The following USP10 variants were observed in gnomAD, a reference collection of about 807,000 sequenced individuals.
The protein encoded by USP10 is ubiquitin specific peptidase 10.
In USP10, 22 loss-of-function variants were observed where a neutral mutation model predicts 84.5. The ratio of observed to expected loss-of-function variants is 0.26; its 90% CI spans 0.19 to 0.37. The LOEUF is 0.37. Among genes scored for constraint, USP10 ranks in the 10% least tolerant of loss-of-function variants. The probability of loss-of-function intolerance (pLI) is 1.00; values close to 1 mark genes in which losing one functional copy is unlikely to be tolerated. For synonymous variants in USP10, 454 were observed against 387.6 expected, an observed-to-expected ratio of 1.17 and a Z score of -2.01; for missense variants, 1,019 against 998.9, an observed-to-expected ratio of 1.02 and a Z score of -0.27.
chr16:84,709,672 A>G (rs1440684531), intron 1 of USP10, among the ~76,000 whole-genome samples: 1 of 152,028 alleles, frequency 6.6e-6, no homozygotes, highest in Non-Finnish European at 1.5e-5. Context: ...AGTTAGGTAT[A>G]AGGTGTTTCA....
intron 1 of USP10, among the ~76,000 whole-genome samples, chr16:84,720,336 C>G (rs1397782197): frequency 6.6e-6 from 1 of 152,186 alleles, no homozygotes; most frequent in Admixed American, 6.5e-5. Flanking sequence ...GAACAGATGG[C>G]ACTTACAAGT....
chr16:84,741,803 C>T (rs972981672), intron 3 of USP10, among the ~76,000 whole-genome samples: 1 of 152,174 alleles, frequency 6.6e-6, no homozygotes, highest in Non-Finnish European at 1.5e-5. Context: ...AGTGCCTGTT[C>T]GACTGTACAG....
At chr16:84,754,827 G>C (rs568302327) in intron 4 of USP10, among the ~76,000 whole-genome samples, 1 of 152,204 alleles carries the variant, frequency 6.6e-6, no homozygotes, top group Non-Finnish European at 1.5e-5. Context: ...AGATTATTCT[G>C]GGCCCCTAAC....
intron 1 of USP10, among the ~76,000 whole-genome samples, chr16:84,702,831 A>G (rs1046531899): frequency 5.3e-5 from 8 of 151,858 alleles, no homozygotes; most frequent in Non-Finnish European, 7.4e-5. Context: ...TGTCTCTACT[A>G]AAAATACAAA....
intron 8 of USP10, among the ~76,000 whole-genome samples, chr16:84,762,330 T>C (rs1913300826): frequency 6.6e-6 from 1 of 152,196 alleles, no homozygotes; most frequent in Admixed American, 6.5e-5. Context: ...GCCCTAGACA[T>C]CTAGTTCTTC....
rs779206848 is a variant in USP10, at chr16:84,745,221, G to C, written c.740G>C (p.Gly247Ala). The change falls in exon 4 of 14, where the codon GGG (glycine) becomes GCG (alanine). Residue 247 changes from glycine (G) to alanine (A), a missense_variant. This residue lies in a region of USP10 where 787 missense variants were observed against 708.8 expected (regional missense o/e 1.11). Coordinates refer to ENST00000219473, the MANE Select transcript of USP10 (RefSeq NM_005153.3). ...GCAGGGCAGCCAGAGGGGGGCCCCG[G>C]GGCTGATTTTGGTCAGTCCTGCTTC... ...RTAGQPEGGP[G>A]ADFGQSCFPA... The C allele has an allele frequency of 3.1e-6, 5 of 1,613,240 alleles. No homozygotes were observed. The highest frequency in any genetic ancestry group is 4.2e-6 in the Non-Finnish European group (5 of 1,179,568).
intron 8 of USP10, among the ~76,000 whole-genome samples, chr16:84,762,785 T>C (rs933511108): frequency 5.3e-5 from 8 of 152,226 alleles, no homozygotes; most frequent in African/African-American, 9.6e-5. Context: ...TTTAGAGATA[T>C]GTGTTTAGTC....
chr16:84,710,165 G>A (rs1401183277), intron 1 of USP10, among the ~76,000 whole-genome samples: 2 of 151,816 alleles, frequency 1.3e-5, no homozygotes, highest in Non-Finnish European at 2.9e-5. Context: ...AGCTACTTGA[G>A]AGGCTTAGGC....
At chr16:84,708,669 A>C (rs1174229644) in intron 1 of USP10, among the ~76,000 whole-genome samples, 4 of 152,216 alleles carry the variant, frequency 2.6e-5, no homozygotes, top group African/African-American at 9.6e-5. Context: ...GAGTACTGCA[A>C]TGGCAAAAAA....
chr16:84,764,004 C>T, intron 9 of USP10, 82 bp from the exon 10 acceptor site: 3 of 1,456,488 alleles, frequency 2.1e-6, no homozygotes, highest in Non-Finnish European at 2.7e-6. Context: ...ATTTTTAAAA[C>T]TGCAATCGAC....
intron 1 of USP10, among the ~76,000 whole-genome samples, chr16:84,702,045 C>CTTT (rs1168917308): frequency 7.0e-5 from 3 of 42,630 alleles, no homozygotes; most frequent in African/African-American, 1.1e-4. Context: ...GAGTTTCGCT[C>CTTT]TTTTTTTTTT....
At chr16:84,759,210 A>G (rs1171894557) in intron 5 of USP10, 153 bp from the exon 6 acceptor site, 24 of 690,046 alleles carry the variant, frequency 3.5e-5, no homozygotes, top group Non-Finnish European at 6.2e-5. Flanking sequence ...CCTAGTAACT[A>G]TTTGGTTTAT....
chr16:84,706,560 A>C (rs1905542743), intron 1 of USP10, among the ~76,000 whole-genome samples: 1 of 149,442 alleles, frequency 6.7e-6, no homozygotes, highest in Non-Finnish European at 1.5e-5. Context: ...ATATTTTTTG[A>C]GACGAAGTCT....
intron 8 of USP10, among the ~76,000 whole-genome samples, chr16:84,761,907 T>C (rs975740344): frequency 1.3e-5 from 2 of 152,270 alleles, no homozygotes; most frequent in African/African-American, 4.8e-5. Flanking sequence ...TGCCAGTTTT[T>C]GCCCTTTTCT....
intron 1 of USP10, among the ~76,000 whole-genome samples, chr16:84,715,549 A>G (rs1337487274): frequency 2.0e-5 from 3 of 152,172 alleles, no homozygotes; most frequent in African/African-American, 7.2e-5. Context: ...TGACCTTACT[A>G]CTTTATATGA....
intron 11 of USP10, among the ~76,000 whole-genome samples, chr16:84,771,782 C>T (rs1914481995): frequency 6.6e-6 from 1 of 152,042 alleles, no homozygotes; most frequent in Admixed American, 6.6e-5. Flanking sequence ...GCAGGAGAAT[C>T]GTTTGAACCC....
rs533780305 is a variant in USP10, at chr16:84,744,768, C to T, written c.287C>T (p.Ala96Val). Residue 96 changes from alanine to valine, a missense_variant, in exon 4 of 14, where the codon GCT becomes GTT. Transcript: ENST00000219473. ...QAPEFILGCT[A>V]SKITPDGITK... The stretch of plus-strand genomic sequence containing the variant: ...CCTGAATTTATTCTCGGTTGTACAG[C>T]TTCCAAAATAACCCCTGATGGTATC... 1.2e-6 allele frequency: 2 copies of T among 1,613,754 alleles called. No homozygotes were observed. The highest frequency in any genetic ancestry group is 2.2e-5 in the East Asian group (1 of 44,884).
intron 10 of USP10, 149 bp from the exon 11 acceptor site, chr16:84,768,044 A>T: frequency 1.3e-6 from 1 of 793,228 alleles, no homozygotes; most frequent in Non-Finnish European, 1.9e-6. Context: ...AATTATTTTT[A>T]AATTCAGTAT....
intron 5 of USP10, 127 bp from the exon 6 acceptor site, chr16:84,759,236 C>A: frequency 1.2e-6 from 1 of 807,974 alleles, no homozygotes; most frequent in Non-Finnish European, 2.1e-6. Flanking sequence ...TTCGTGGTGA[C>A]ATATCTAAGT....
Sources: allele counts gnomAD v4.1 joint callset (sites outside exome capture counted in the v4.1 genomes callset), GRCh38; gene constraint gnomAD v4.1.1; regional missense constraint gnomAD v4.1.1; transcripts MANE v1.5; gene names NCBI Gene and HGNC (gene_info 2026-07-23, HGNC 2026-07-21).